The following SH3D19 variants were observed in gnomAD, a reference collection of about 807,000 sequenced individuals.
SH3D19 encodes SH3 domain containing 19, also known as SH3 domain-containing protein 19.
In SH3D19, 58 loss-of-function variants were observed where a neutral mutation model predicts 112.1. That is an observed-to-expected ratio of 0.52 (90% CI 0.42 to 0.64). The LOEUF is 0.64. Among genes scored for constraint, SH3D19 ranks in the 30% least tolerant of loss-of-function variants. The pLI, the probability that SH3D19 is intolerant of heterozygous loss-of-function variation, is 0.00. For missense variants in SH3D19, 1,090 were observed against 1,263.4 expected, an observed-to-expected ratio of 0.86 and a Z score of 2.08; for synonymous variants, 391 against 448.5, an observed-to-expected ratio of 0.87 and a Z score of 1.62.
At position 151,205,453 on chromosome 4, in the gene SH3D19, C is replaced by T. The variant is rs188729166; in HGVS notation, c.153-17990G>A. Among the ~76,000 whole-genome samples the T allele has an allele frequency of 4.6e-5, 7 of 152,236 alleles. No individual in the cohort carries two copies. In the East Asian group the frequency reaches 9.6e-4, roughly 21 times the overall value. ...TCCCCCTGATGGTTGTCAGACAGAG[C>T]GTGAACTGTGTGAGGAGTCTGGGGG... On this transcript the variant is annotated intron_variant, in intron 2 of 19. Transcript: ENST00000604030.
intron 9 of SH3D19, 39 bp downstream of exon 9, chr4:151,159,201 T>C (rs1458676481): frequency 8.8e-7 from 1 of 1,139,146 alleles, no homozygotes; most frequent in Non-Finnish European, 1.2e-6. Context: ...AATGCATAGC[T>C]ACGTCTTCAA....
intron 1 of SH3D19, among the ~76,000 whole-genome samples, chr4:151,287,449 C>G (rs1774919307): frequency 6.6e-6 from 1 of 151,820 alleles, no homozygotes; most frequent in Admixed American, 6.6e-5. Context: ...AGACCAGTAT[C>G]TTTTATGAAC....
Position 151,175,096 on chromosome 4 carries a change from G to T in SH3D19, c.1108C>A (p.Leu370Met), listed in dbSNP as rs767672481. ...ACTGGGATGCTTCCCGCTTCTTGCA[G>T]GGGAGGGTATGGGGTGAGTCCTTCC... The part of the protein sequence containing the change: ...SKEGLTPYPP[L>M]QEAGSIPVTK... Residue 370 changes from leucine (L) to methionine (M), a missense_variant, in exon 7 of 20, where the codon CTG becomes ATG. Coordinates refer to ENST00000604030, the MANE Select transcript of SH3D19 (RefSeq NM_001378122.1). The T allele has an allele frequency of 1.2e-6, 2 of 1,614,182 alleles. No homozygotes were observed. The highest frequency in any genetic ancestry group is 2.2e-5 in the South Asian group (2 of 91,076).
chr4:151,309,114 C>A (rs185613816), intron 1 of SH3D19, among the ~76,000 whole-genome samples: 12 of 152,318 alleles, frequency 7.9e-5, no homozygotes, highest in African/African-American at 2.9e-4. Context: ...AGTGATTCAC[C>A]CGCCTTGGTG....
chr4:151,139,695 T>C (rs747655484), intron 13 of SH3D19, 80 bp downstream of exon 13: 20 of 1,287,270 alleles, frequency 1.6e-5, no homozygotes, highest in Non-Finnish European at 2.2e-5. Context: ...AAGGATGTCC[T>C]TGAGAGGCTA....
At chr4:151,216,230 T>C (rs1342452319) in intron 2 of SH3D19, among the ~76,000 whole-genome samples, 1 of 152,258 alleles carries the variant, frequency 6.6e-6, no homozygotes, top group African/African-American at 2.4e-5. Flanking sequence ...TCAGTAATTC[T>C]GTCCTAAGAT....
chr4:151,127,490 A>AT, intron 19 of SH3D19, 128 bp downstream of exon 19: 1 of 547,462 alleles, frequency 1.8e-6, no homozygotes, highest in Non-Finnish European at 3.1e-6. Context: ...TTCCCCTAGA[A>AT]TCAGGGCCTG....
At chr4:151,147,846 T>C in intron 11 of SH3D19, 76 bp downstream of exon 11, 1 of 1,483,034 alleles carries the variant, frequency 6.7e-7, no homozygotes, top group Non-Finnish European at 9.0e-7. Context: ...ATCATCTTTT[T>C]CTAAGGAATG....
chr4:151,241,136 TAAAA>T, intron 1 of SH3D19, among the ~76,000 whole-genome samples: 1 of 140,530 alleles, frequency 7.1e-6, no homozygotes, highest in East Asian at 2.1e-4. Context: ...AAAAAAAAAT[TAAAA>T]AACTAGCCAG....
chr4:151,241,383 A>G (rs1580308742), intron 1 of SH3D19, among the ~76,000 whole-genome samples: 1 of 152,004 alleles, frequency 6.6e-6, no homozygotes, highest in Non-Finnish European at 1.5e-5. Flanking sequence ...AATGTCTAGA[A>G]TAAATAGGTC....
chr4:151,213,858 T>A (rs1191767952), intron 2 of SH3D19, among the ~76,000 whole-genome samples: 4 of 151,528 alleles, frequency 2.6e-5, no homozygotes, highest in Non-Finnish European at 4.4e-5. Flanking sequence ...GGCTAACTTT[T>A]AAATTTTTTT....
chr4:151,301,516 C>T (rs190921485), intron 1 of SH3D19, among the ~76,000 whole-genome samples: 14 of 152,242 alleles, frequency 9.2e-5, no homozygotes, highest in East Asian at 1.9e-4. Context: ...CGTGAGCCAC[C>T]GCGCCTGGCC....
At chr4:151,300,201 C>CA (rs200935802) in intron 1 of SH3D19, among the ~76,000 whole-genome samples, 5,532 of 144,650 alleles carry the variant, frequency 0.038, 311 homozygotes, top group African/African-American at 0.12. Flanking sequence ...AACTCTATCT[C>CA]AAAAAAAAAA....
chr4:151,139,883 AG>A (rs757320510), intron 12 of SH3D19, 36 bp from the exon 13 acceptor site: 184 of 1,601,152 alleles, frequency 1.1e-4, no homozygotes, highest in Middle Eastern at 5.0e-4. Flanking sequence ...TGAAGTGTGC[AG>A]GATAGATGGT....
intron 1 of SH3D19, among the ~76,000 whole-genome samples, chr4:151,284,310 T>C (rs1774531964): frequency 6.6e-6 from 1 of 152,234 alleles, no homozygotes; most frequent in Admixed American, 6.6e-5. Flanking sequence ...TTGATCTGTA[T>C]TGAAGATCAC....
chr4:151,154,278 A>G (rs1009978706), intron 9 of SH3D19, among the ~76,000 whole-genome samples: 8 of 151,640 alleles, frequency 5.3e-5, no homozygotes, highest in Non-Finnish European at 1.2e-4. Context: ...GATTACAGGC[A>G]TGCACCACCA....
intron 4 of SH3D19, among the ~76,000 whole-genome samples, chr4:151,179,152 A>G (rs375333135): frequency 6.6e-5 from 10 of 152,358 alleles, no homozygotes; most frequent in Admixed American, 6.5e-4. Context: ...TATACTCAAA[A>G]GAACATTTTC....
Position 151,122,077 on chromosome 4 carries a change from G to C in SH3D19, c.*14C>G, listed in dbSNP as rs1431199312. On this transcript the variant is annotated 3_prime_UTR_variant, in exon 20 of 20. Coordinates refer to ENST00000604030, the MANE Select transcript of SH3D19 (RefSeq NM_001378122.1). ...GTGAGTTCTTGTGCCAAGGAACACA[G>C]ACAAGCTTCTCCTCTAGCTGATCTG... The C allele has an allele frequency of 1.5e-6, 2 of 1,326,740 alleles. No individual in the cohort carries two copies. The highest frequency in any genetic ancestry group is 2.2e-6 in the Non-Finnish European group (2 of 922,564). 82.2% of individuals were successfully genotyped at this position (1,326,740 alleles called of 1,614,324 possible).
intron 1 of SH3D19, among the ~76,000 whole-genome samples, chr4:151,236,907 C>G (rs1182048009): frequency 1.3e-5 from 2 of 152,168 alleles, no homozygotes; most frequent in Non-Finnish European, 2.9e-5. Context: ...ATGGACCAAT[C>G]AGCTCTCTGT....
Sources: allele counts gnomAD v4.1 joint callset (sites outside exome capture counted in the v4.1 genomes callset), GRCh38; gene constraint gnomAD v4.1.1; transcripts MANE v1.5; gene names NCBI Gene and HGNC (gene_info 2026-07-23, HGNC 2026-07-21).